Variants in REEP5 observed in about 807,000 individuals in gnomAD.
REEP5 encodes the protein receptor expression-enhancing protein 5.
A neutral mutation model predicts 22.4 loss-of-function variants in REEP5; 24 were observed. The observed-to-expected ratio is 1.07, with a 90% CI of 0.78 to 1.51. The LOEUF (loss-of-function observed/expected upper bound fraction) is 1.51, where lower values mean the gene tolerates loss of function less well. Ranked by LOEUF, REEP5 falls within the 40% of genes most tolerant of loss-of-function variation. The probability of loss-of-function intolerance (pLI) is 0.00; values close to 1 mark genes in which losing one functional copy is unlikely to be tolerated. For synonymous variants in REEP5, 103 were observed against 88.6 expected (o/e 1.16, Z -0.92); for missense variants, 252 against 233.0 (o/e 1.08, Z -0.53).
intron 3 of REEP5, 40 bp from the exon 4 acceptor site, chr5:112,887,223 G>A (rs908964909): frequency 1.2e-4 from 176 of 1,504,362 alleles, no homozygotes; most frequent in South Asian, 8.5e-4. Flanking sequence ...CAGGAGGGTG[G>A]AGGGGGCACA....
Position 112,887,896 on chromosome 5 carries a change from G to A in REEP5, c.352-713C>T, listed in dbSNP as rs570231252. ...TGATTCAAATAATAAATACCAACTC[G>A]TCACTTCAAGTCATCCATGCAATTT... On this transcript the variant is annotated intron_variant, in intron 3 of 4. Coordinates refer to ENST00000379638, the MANE Select transcript of REEP5 (RefSeq NM_005669.5). Among the ~76,000 whole-genome samples, 11 of 152,018 alleles carry A rather than the reference G, an allele frequency of 7.2e-5. No individual in the cohort carries two copies. The South Asian group carries it at 2.1e-3, about 29-fold the overall frequency.
At chr5:112,898,633 G>A (rs749010848) in intron 3 of REEP5, among the ~76,000 whole-genome samples, 2 of 152,154 alleles carry the variant, frequency 1.3e-5, no homozygotes, top group Non-Finnish European at 2.9e-5. Flanking sequence ...TGACAAGATA[G>A]TGTTCACTGC....
At position 112,878,696 on chromosome 5, in the gene REEP5, T is replaced by G; in HGVS notation, c.*90A>C. 1 of 1,536,458 alleles carries G rather than the reference T, an allele frequency of 6.5e-7. No homozygotes were observed. The highest frequency in any genetic ancestry group is 8.8e-7 in the Non-Finnish European group (1 of 1,134,198). The stretch of plus-strand genomic sequence containing the variant: ...CTCAAAAATGTTTCCAAGGCAACAT[T>G]ATTAAAATAATTATACCACAGTCCC... On this transcript the variant is annotated 3_prime_UTR_variant, in exon 5 of 5. Coordinates refer to ENST00000379638, the MANE Select transcript of REEP5 (RefSeq NM_005669.5).
rs1166721460 is a variant in REEP5, at chr5:112,892,004, A to G, written c.352-4821T>C. The G allele has an allele frequency of 2.4e-6, 3 of 1,273,614 alleles. No individual in the cohort carries two copies. In the African/African-American group the frequency reaches 4.4e-5, roughly 19 times the overall value. The allele number at this position is 1,273,614 out of a possible 1,614,324, so 78.9% of individuals were successfully genotyped here. Reference sequence around the variant, plus strand: ...GAACAATGGAAAGAACAGCAGAGGAAAGAGAGAGAAGAGGAGGAGCAGAAA... The same window carrying G: ...GAACAATGGAAAGAACAGCAGAGGAGAGAGAGAGAAGAGGAGGAGCAGAAA... On this transcript the variant is annotated intron_variant, in intron 3 of 4. Transcript: ENST00000379638.
At chr5:112,914,522 T>C (rs1381761194) in intron 2 of REEP5, among the ~76,000 whole-genome samples, 1 of 152,120 alleles carries the variant, frequency 6.6e-6, no homozygotes, top group Non-Finnish European at 1.5e-5. Flanking sequence ...GTTTGAATGA[T>C]TGATGGTAAA....
chr5:112,905,392 T>A (rs1359083044), intron 2 of REEP5, among the ~76,000 whole-genome samples: 1 of 151,784 alleles, frequency 6.6e-6, no homozygotes, highest in East Asian at 2.0e-4. Context: ...AATACAAAAA[T>A]TAGCCGGGCG....
intron 4 of REEP5, among the ~76,000 whole-genome samples, chr5:112,879,611 C>T (rs890086634): frequency 5.3e-5 from 8 of 152,022 alleles, no homozygotes; most frequent in Non-Finnish European, 1.0e-4. Context: ...GTAGCTGGGA[C>T]TACATGCACT....
intron 2 of REEP5, among the ~76,000 whole-genome samples, chr5:112,912,005 G>A (rs1370862848): frequency 5.9e-5 from 9 of 152,248 alleles, no homozygotes; most frequent in African/African-American, 2.4e-5. Context: ...AAAGAACTAT[G>A]ACTATGATTA....
At chr5:112,891,837 G>T (rs1768464321) in intron 3 of REEP5, 1 of 1,559,510 alleles carries the variant, frequency 6.4e-7, no homozygotes, top group African/African-American at 1.4e-5. Context: ...TAGAAGAAGA[G>T]AAGCTATTGG....
chr5:112,913,653 T>C (rs2150047647), intron 2 of REEP5, among the ~76,000 whole-genome samples: 1 of 152,154 alleles, frequency 6.6e-6, no homozygotes, highest in Admixed American at 6.5e-5. Context: ...TTAATTACAG[T>C]GATCTCATTT....
chr5:112,910,718 T>C (rs1214042684), intron 2 of REEP5, among the ~76,000 whole-genome samples: 2 of 152,236 alleles, frequency 1.3e-5, no homozygotes, highest in Non-Finnish European at 2.9e-5. Context: ...CAGATTGTCA[T>C]GGTAACACTG....
At chr5:112,913,397 GAAAGAAA>G (rs1293045281) in intron 2 of REEP5, among the ~76,000 whole-genome samples, 6 of 114,220 alleles carry the variant, frequency 5.3e-5, no homozygotes, top group Non-Finnish European at 1.1e-4. Flanking sequence ...GAAAGAGAAA[GAAAGAAA>G]AAAAGAAAAG....
At chr5:112,882,267 G>C (rs67293732) in intron 4 of REEP5, among the ~76,000 whole-genome samples, 83,649 of 151,808 alleles carry the variant, frequency 0.55, 25,281 homozygotes, top group African/African-American at 0.82. Context: ...ATCCCACTCA[G>C]CCACCATCAC....
intron 3 of REEP5, chr5:112,896,660 G>A (rs1768688631): frequency 6.6e-6 from 1 of 152,154 alleles, no homozygotes; most frequent in Non-Finnish European, 1.5e-5. Context: ...ATCTAGCCAG[G>A]CCTGGTGGCT....
chr5:112,917,741 G>A (rs903664892), intron 2 of REEP5, among the ~76,000 whole-genome samples: 20 of 152,186 alleles, frequency 1.3e-4, no homozygotes, highest in African/African-American at 4.3e-4. Flanking sequence ...AAGCAGGGCT[G>A]CACCAGACAT....
intron 3 of REEP5, chr5:112,893,117 AG>A (rs1463648090): frequency 1.3e-5 from 11 of 829,186 alleles, no homozygotes; most frequent in Non-Finnish European, 1.9e-5. Flanking sequence ...AAAAAAAAAA[AG>A]AATGGACCAG....
At chr5:112,898,758 TATGTC>T (rs1379355268) in intron 3 of REEP5, among the ~76,000 whole-genome samples, 1 of 152,230 alleles carries the variant, frequency 6.6e-6, no homozygotes, top group Non-Finnish European at 1.5e-5. Flanking sequence ...AAGTTTAAAT[TATGTC>T]ATGTCCAAAT....
At chr5:112,893,459 T>A in intron 3 of REEP5, 1 of 167,928 alleles carries the variant, frequency 6.0e-6, no homozygotes, top group Non-Finnish European at 1.3e-5. Context: ...GCTTTCCATA[T>A]CAGACCATTC....
At position 112,888,659 on chromosome 5, in the gene REEP5, A is replaced by G. The variant is rs558371607; in HGVS notation, c.352-1476T>C. Reference sequence around the variant, plus strand: ...TCCAGACTCCCCTTATCTCAACTACAGTAAAAAGTAACTCTTGAAATGTAA... The same window carrying G: ...TCCAGACTCCCCTTATCTCAACTACGGTAAAAAGTAACTCTTGAAATGTAA... On this transcript the variant is annotated intron_variant, in intron 3 of 4. Coordinates refer to ENST00000379638, the MANE Select transcript of REEP5 (RefSeq NM_005669.5). Among the ~76,000 whole-genome samples the G allele has an allele frequency of 5.6e-4, 85 of 151,210 alleles. 4 individuals are homozygous for G. Among genetic ancestry groups the G allele is most frequent in the African/African-American group, 2.0e-3 (83 of 40,782 alleles).
Sources: gnomAD v4.1 joint callset for allele counts (sites outside exome capture counted in the v4.1 genomes callset) on GRCh38, gnomAD v4.1.1 for gene constraint, MANE v1.5 for transcripts, NCBI Gene and HGNC (gene_info 2026-07-23, HGNC 2026-07-21) for gene names.